Variants in GFOD1 observed in about 807,000 individuals in gnomAD.
GFOD1 encodes Gfo/Idh/MocA-like oxidoreductase domain containing 1, also known as glucose-fructose oxidoreductase domain-containing protein 1.
A neutral mutation model predicts 25.4 loss-of-function variants in GFOD1; 9 were observed. The ratio of observed to expected loss-of-function variants is 0.35; its 90% CI spans 0.21 to 0.62. GFOD1 has a LOEUF of 0.62. Ranked by LOEUF, GFOD1 falls within the 20% of genes least tolerant of loss-of-function variation. GFOD1 has a pLI of 0.72. For missense variants in GFOD1, 403 were observed against 556.9 expected, an observed-to-expected ratio of 0.72 and a Z score of 2.78; for synonymous variants, 253 against 245.6, an observed-to-expected ratio of 1.03 and a Z score of -0.28.
chr6:13,404,391 T>G (rs562373671), intron 1 of GFOD1, among the ~76,000 whole-genome samples: 1 of 152,298 alleles, frequency 6.6e-6, no homozygotes, highest in South Asian at 2.1e-4. Context: ...ATGAACTTCT[T>G]TTAAGGATCA....
intron 1 of GFOD1, among the ~76,000 whole-genome samples, chr6:13,408,941 C>G (rs1412808332): frequency 6.6e-6 from 1 of 151,692 alleles, no homozygotes; most frequent in Non-Finnish European, 1.5e-5. Flanking sequence ...CAAAATTAGC[C>G]AGGTATGGTG....
At chr6:13,423,226 C>A (rs993421272) in intron 1 of GFOD1, among the ~76,000 whole-genome samples, 1 of 152,150 alleles carries the variant, frequency 6.6e-6, no homozygotes, top group Non-Finnish European at 1.5e-5. Context: ...TACTTAAGAA[C>A]AGTTTGATTT....
intron 1 of GFOD1, among the ~76,000 whole-genome samples, chr6:13,456,749 G>A (rs150882079): frequency 2.8e-4 from 42 of 152,284 alleles, no homozygotes; most frequent in Admixed American, 2.0e-3. Flanking sequence ...CACGCTGCTC[G>A]TCTTGGCCCC....
At chr6:13,424,830 AG>A (rs1369384599) in intron 1 of GFOD1, among the ~76,000 whole-genome samples, 3 of 152,110 alleles carry the variant, frequency 2.0e-5, no homozygotes, top group African/African-American at 7.2e-5. Flanking sequence ...ACTTCTCATG[AG>A]GGGACAAATC....
chr6:13,404,685 G>A (rs996073681), intron 1 of GFOD1, among the ~76,000 whole-genome samples: 1 of 152,228 alleles, frequency 6.6e-6, no homozygotes, highest in Admixed American at 6.5e-5. Context: ...CTACACAGTG[G>A]AGGCTGCATG....
intron 1 of GFOD1, among the ~76,000 whole-genome samples, chr6:13,379,199 G>A (rs977012700): frequency 3.3e-5 from 5 of 152,264 alleles, no homozygotes; most frequent in Non-Finnish European, 7.4e-5. Flanking sequence ...TGTGTTTGGG[G>A]GAGGAAAGGT....
intron 1 of GFOD1, among the ~76,000 whole-genome samples, chr6:13,429,823 G>C (rs779368130): frequency 6.6e-6 from 1 of 152,038 alleles, no homozygotes; most frequent in African/African-American, 2.4e-5. Flanking sequence ...ATATTACATA[G>C]ATATGTAATA....
At chr6:13,367,062 C>CG (rs1491034943) in intron 1 of GFOD1, among the ~76,000 whole-genome samples, 42 of 143,948 alleles carry the variant, frequency 2.9e-4, no homozygotes, top group Admixed American at 1.8e-3. Flanking sequence ...TATATTGTTA[C>CG]AGTTATCATA....
intron 1 of GFOD1, among the ~76,000 whole-genome samples, chr6:13,434,843 A>T (rs1162204332): frequency 6.6e-6 from 1 of 152,244 alleles, no homozygotes; most frequent in Admixed American, 6.5e-5. Context: ...ACAGCAAGGC[A>T]AAACGTGGTT....
chr6:13,397,364 C>T lies in GFOD1; in HGVS notation c.254-31702G>A, dbSNP rs60980292. ...AAAGATCCAAATGTGAAGCCACCCT[C>T]GAAATGAAAAGTGGTGTCCAGCTCA... On this transcript the variant is annotated intron_variant, in intron 1 of 1. Transcript: ENST00000379287. 9.2e-5 allele frequency among the ~76,000 whole-genome samples: 14 copies of T among 152,336 alleles called. No individual in the cohort carries two copies. The East Asian group carries it at 1.9e-3, about 21-fold the overall frequency.
chr6:13,389,665 T>C (rs1785545238), intron 1 of GFOD1, among the ~76,000 whole-genome samples: 1 of 151,978 alleles, frequency 6.6e-6, no homozygotes, highest in African/African-American at 2.4e-5. Context: ...CTAATGTAAA[T>C]GACAAGTTGA....
chr6:13,407,616 C>T (rs764226162), intron 1 of GFOD1, among the ~76,000 whole-genome samples: 1 of 152,112 alleles, frequency 6.6e-6, no homozygotes, highest in Non-Finnish European at 1.5e-5. Flanking sequence ...GAGAAAATTG[C>T]CTGAGATGGC....
chr6:13,463,776 C>T (rs1338163216), intron 1 of GFOD1, among the ~76,000 whole-genome samples: 1 of 152,072 alleles, frequency 6.6e-6, no homozygotes, highest in Admixed American at 6.5e-5. Flanking sequence ...TTTTTTAACA[C>T]TGATACAGTA....
At chr6:13,418,921 TAG>T (rs1786205991) in intron 1 of GFOD1, among the ~76,000 whole-genome samples, 1 of 152,224 alleles carries the variant, frequency 6.6e-6, no homozygotes, top group Admixed American at 6.5e-5. Flanking sequence ...TGCAAAGCCC[TAG>T]AAGGAAGTCA....
At chr6:13,437,458 C>T (rs1469299594) in intron 1 of GFOD1, among the ~76,000 whole-genome samples, 1 of 152,138 alleles carries the variant, frequency 6.6e-6, no homozygotes, top group African/African-American at 2.4e-5. Flanking sequence ...AGCCACTAAC[C>T]ACATGTGACC....
At position 13,375,438 on chromosome 6, in the gene GFOD1, G is replaced by C. The variant is rs1237134281; in HGVS notation, c.254-9776C>G. On this transcript the variant is annotated intron_variant, in intron 1 of 1. Coordinates refer to ENST00000379287, the MANE Select transcript of GFOD1 (RefSeq NM_018988.4). ...CCAGGGCGGTGGGGATGGGAGGCCC[G>C]ATGTTCTGCTGGGTGACATCTAAAG... Among the ~76,000 whole-genome samples the C allele has an allele frequency of 2.0e-5, 3 of 152,172 alleles. No individual in the cohort carries two copies. The East Asian group carries it at 5.8e-4, about 29-fold the overall frequency.
chr6:13,468,161 G>A (rs1392192401), intron 1 of GFOD1, among the ~76,000 whole-genome samples: 1 of 151,854 alleles, frequency 6.6e-6, no homozygotes, highest in Non-Finnish European at 1.5e-5. Context: ...TTAGGATTTG[G>A]GCTCCTTACT....
At chr6:13,416,185 C>T (rs949235588) in intron 1 of GFOD1, among the ~76,000 whole-genome samples, 2 of 152,198 alleles carry the variant, frequency 1.3e-5, no homozygotes, top group Non-Finnish European at 2.9e-5. Context: ...TTCCCCTTTG[C>T]CTTCCACCAT....
chr6:13,486,550 T>C, intron 1 of GFOD1, 88 bp downstream of exon 1: 1 of 1,051,204 alleles, frequency 9.5e-7, no homozygotes, highest in Non-Finnish European at 1.4e-6. Context: ...GCTTCTGGGA[T>C]GCGGAGAGGG....
Sources: gnomAD v4.1 joint callset for allele counts (sites outside exome capture counted in the v4.1 genomes callset) on GRCh38, gnomAD v4.1.1 for gene constraint, MANE v1.5 for transcripts, NCBI Gene and HGNC (gene_info 2026-07-23, HGNC 2026-07-21) for gene names.